Variants in XPO6 observed in about 807,000 individuals in gnomAD.
XPO6 encodes the protein exportin-6.
Under a neutral mutation model 130.0 loss-of-function variants are expected in XPO6, and 3 were observed. That is an observed-to-expected ratio of 0.02 (90% CI 0.01 to 0.06). The LOEUF is 0.06. Among genes scored for constraint, XPO6 ranks in the 10% least tolerant of loss-of-function variants. The pLI, the probability that XPO6 is intolerant of heterozygous loss-of-function variation, is 1.00. For missense variants in XPO6, 970 were observed against 1,393.0 expected, an observed-to-expected ratio of 0.70 and a Z score of 4.83; for synonymous variants, 524 against 548.9, an observed-to-expected ratio of 0.95 and a Z score of 0.63.
At chr16:28,142,819 C>T (rs2042918028) in intron 9 of XPO6, among the ~76,000 whole-genome samples, 1 of 152,176 alleles carries the variant, frequency 6.6e-6, no homozygotes, top group South Asian at 2.1e-4. Context: ...GATCCTCCCA[C>T]CTTGGTCCCC....
At chr16:28,186,231 T>C (rs1039078956) in intron 1 of XPO6, among the ~76,000 whole-genome samples, 3 of 152,122 alleles carry the variant, frequency 2.0e-5, no homozygotes, top group Non-Finnish European at 4.4e-5. Flanking sequence ...CCCTCACCAC[T>C]ATTTCTACGG....
intron 1 of XPO6, among the ~76,000 whole-genome samples, chr16:28,208,190 C>T (rs545554464): frequency 4.6e-5 from 7 of 152,192 alleles, no homozygotes; most frequent in African/African-American, 1.7e-4. Context: ...GAATAGCTAG[C>T]ACATCAAAGA....
intron 1 of XPO6, among the ~76,000 whole-genome samples, chr16:28,201,351 C>G (rs1213560778): frequency 6.6e-6 from 1 of 152,102 alleles, no homozygotes; most frequent in Non-Finnish European, 1.5e-5. Context: ...ATTTTTACAC[C>G]TGACTCTTAA....
At chr16:28,204,254 T>C (rs909232696) in intron 1 of XPO6, among the ~76,000 whole-genome samples, 4 of 152,054 alleles carry the variant, frequency 2.6e-5, no homozygotes, top group African/African-American at 7.2e-5. Flanking sequence ...ATATTGAGTA[T>C]ATAAAATGTT....
intron 13 of XPO6, among the ~76,000 whole-genome samples, chr16:28,123,255 G>GC (rs2087291714): frequency 6.6e-6 from 1 of 152,046 alleles, no homozygotes; most frequent in African/African-American, 2.4e-5. Context: ...ACAGGCGCAT[G>GC]CCACCACACC....
intron 1 of XPO6, among the ~76,000 whole-genome samples, chr16:28,188,844 TAGA>T (rs994983984): frequency 6.6e-6 from 1 of 152,116 alleles, no homozygotes; most frequent in African/African-American, 2.4e-5. Flanking sequence ...GCCAGAAAGC[TAGA>T]AAAGTGCATC....
chr16:28,141,925 G>A (rs955883092), intron 9 of XPO6, among the ~76,000 whole-genome samples: 3 of 152,230 alleles, frequency 2.0e-5, no homozygotes, highest in African/African-American at 4.8e-5. Flanking sequence ...GCGCCACTGC[G>A]CTCCTGACCA....
chr16:28,112,376 C>A (rs576499613), intron 16 of XPO6, among the ~76,000 whole-genome samples: 1 of 152,130 alleles, frequency 6.6e-6, no homozygotes, highest in Non-Finnish European at 1.5e-5. Flanking sequence ...CAGGAGAATC[C>A]GTGACAATCC....
At chr16:28,171,920 C>T (rs530353427) in intron 4 of XPO6, among the ~76,000 whole-genome samples, 2 of 152,226 alleles carry the variant, frequency 1.3e-5, no homozygotes, top group South Asian at 4.1e-4. Flanking sequence ...TCTTTCTCCT[C>T]TACCTCTTTT....
chr16:28,150,875 A>C (rs2043073985), intron 8 of XPO6, among the ~76,000 whole-genome samples: 1 of 151,360 alleles, frequency 6.6e-6, no homozygotes, highest in African/African-American at 2.4e-5. Context: ...CTACATCCTC[A>C]CCCTCCTGCA....
chr16:28,181,982 C>T (rs150485079), intron 1 of XPO6, among the ~76,000 whole-genome samples: 282 of 152,236 alleles, frequency 1.9e-3, no homozygotes, highest in Admixed American at 5.0e-3. Context: ...GCAGGAATGA[C>T]CTTGAGTTAA....
chr16:28,152,787 TA>T lies in XPO6; in HGVS notation c.1098-3del, dbSNP rs1414950540. On this transcript the variant is annotated splice_polypyrimidine_tract_variant and splice_region_variant and intron_variant, in intron 7 of 23. Transcript: ENST00000304658. ...AAGTCAGTAAACTTCTCGATATAGC[TA>T]AATGAGACAAGACAAAAGGTGACAA... 6.2e-7 allele frequency: 1 copy of T among 1,610,508 alleles called. No individual in the cohort carries two copies. Among genetic ancestry groups the T allele is most frequent in the Non-Finnish European group, 8.5e-7 (1 of 1,178,938 alleles).
intron 15 of XPO6, among the ~76,000 whole-genome samples, chr16:28,116,758 C>T (rs886899085): frequency 6.6e-6 from 1 of 152,124 alleles, no homozygotes; most frequent in Non-Finnish European, 1.5e-5. Flanking sequence ...AAAATAATTA[C>T]AATAGTAACA....
At position 28,133,640 on chromosome 16, in the gene XPO6, AG is replaced by A. The variant is rs111229523; in HGVS notation, c.1536+200del. ...TTGCTATTATATCCAAGACTAAACA[AG>A]GTTCCAAAAGTTGGTTTAATATTTT... On this transcript the variant is annotated intron_variant, in intron 11 of 23. Coordinates refer to ENST00000304658, the MANE Select transcript of XPO6 (RefSeq NM_015171.4). Among the ~76,000 whole-genome samples, 539 of 152,322 alleles carry A rather than the reference AG, an allele frequency of 3.5e-3. 5 individuals are homozygous for A. The highest frequency in any genetic ancestry group is 0.013 in the African/African-American group (522 of 41,566).
intron 4 of XPO6, among the ~76,000 whole-genome samples, chr16:28,170,426 A>G (rs1421348869): frequency 1.3e-5 from 2 of 152,192 alleles, no homozygotes; most frequent in Non-Finnish European, 2.9e-5. Context: ...TTTATGGACA[A>G]AATTCTAATA....
At chr16:28,156,050 C>T (rs752282530) in intron 7 of XPO6, 24 bp downstream of exon 7, 1 of 1,571,428 alleles carries the variant, frequency 6.4e-7, no homozygotes, top group Non-Finnish European at 8.6e-7. Context: ...TGGGGCACAC[C>T]AGCTCCACAC....
At chr16:28,149,120 C>T (rs77427164) in intron 8 of XPO6, among the ~76,000 whole-genome samples, 15 of 151,384 alleles carry the variant, frequency 9.9e-5, no homozygotes, top group African/African-American at 1.9e-4. Context: ...AGCCCTCCCC[C>T]CCAGGGTATA....
intron 15 of XPO6, chr16:28,116,976 A>C: frequency 4.4e-6 from 1 of 225,474 alleles, no homozygotes; most frequent in Admixed American, 4.9e-5. Context: ...AGTGCAATAA[A>C]ATGAGGTGTG....
intron 1 of XPO6, among the ~76,000 whole-genome samples, chr16:28,208,016 C>CGTAATGGCAA (rs111642678): frequency 6.6e-6 from 1 of 151,630 alleles, no homozygotes; most frequent in African/African-American, 2.4e-5. Flanking sequence ...ACTAGCTGGG[C>CGTAATGGCAA]GTGCCTGTAA....
Sources: allele counts gnomAD v4.1 joint callset (sites outside exome capture counted in the v4.1 genomes callset), GRCh38; gene constraint gnomAD v4.1.1; transcripts MANE v1.5; gene names NCBI Gene and HGNC (gene_info 2026-07-23, HGNC 2026-07-21).